The following CHEK1 variants were observed in gnomAD, a reference collection of about 807,000 sequenced individuals.
CHEK1 encodes checkpoint kinase 1, also known as serine/threonine-protein kinase Chk1.
In CHEK1, 32 loss-of-function variants were observed where a neutral mutation model predicts 60.2. That is an observed-to-expected ratio of 0.53 (90% CI 0.40 to 0.71). The LOEUF (loss-of-function observed/expected upper bound fraction) is 0.71, where lower values mean the gene tolerates loss of function less well. CHEK1 is among the 30% of genes least tolerant of loss of function. CHEK1 has a pLI of 0.00. For synonymous variants in CHEK1, 179 were observed against 187.2 expected, an observed-to-expected ratio of 0.96 and a Z score of 0.36; for missense variants, 399 against 564.6, an observed-to-expected ratio of 0.71 and a Z score of 2.97.
At chr11:125,633,032 C>A in intron 5 of CHEK1, 131 bp from the exon 6 acceptor site, 2 of 702,114 alleles carry the variant, frequency 2.8e-6, no homozygotes, top group Non-Finnish European at 4.4e-6. Context: ...GTCTATTTTG[C>A]TTATTTTAAG....
At chr11:125,637,619 C>A in intron 8 of CHEK1, 75 bp downstream of exon 8, 1 of 944,586 alleles carries the variant, frequency 1.1e-6, no homozygotes, top group Non-Finnish European at 1.7e-6. Context: ...TATCACAAGT[C>A]AACAACACAT....
At chr11:125,650,097 A>G (rs1474876434) in intron 11 of CHEK1, among the ~76,000 whole-genome samples, 2 of 150,300 alleles carry the variant, frequency 1.3e-5, no homozygotes, top group African/African-American at 2.4e-5. Context: ...ATGTAAATTA[A>G]TGTTTTTAAT....
At chr11:125,660,712 T>C (rs979747406), downstream of CHEK1, among the ~76,000 whole-genome samples, 4 of 152,078 alleles carry the variant, frequency 2.6e-5, no homozygotes, top group Admixed American at 2.0e-4. Context: ...TTGCTTTCTT[T>C]TGGCTAATAT....
chr11:125,644,475 A>G (rs777118369), intron 10 of CHEK1, 37 bp from the exon 11 acceptor site: 3 of 1,605,290 alleles, frequency 1.9e-6, no homozygotes, highest in Non-Finnish European at 2.5e-6. Flanking sequence ...CTTTAGTCCT[A>G]ATGGATTTAT....
chr11:125,629,487 A>G, intron 5 of CHEK1, 27 bp downstream of exon 5: 1 of 1,405,820 alleles, frequency 7.1e-7, no homozygotes, highest in Non-Finnish European at 9.9e-7. Context: ...ATCACTACCT[A>G]AAATAAAATA....
rs778046191 is a variant in CHEK1, at chr11:125,633,217, G to A, written c.479G>A (p.Arg160His). The stretch of plus-strand genomic sequence containing the variant: ...GCAACAGTATTTCGGTATAATAATC[G>A]TGAGCGTTTGTTGAACAAGATGTGT... ...GLATVFRYNN[R>H]ERLLNKMCGT... Residue 160 changes from arginine (R) to histidine (H), a missense_variant, in exon 6 of 13, where the codon CGT becomes CAT. Transcript: ENST00000438015. 6.0e-5 allele frequency: 96 copies of A among 1,603,452 alleles called. No individual in the cohort carries two copies. Among genetic ancestry groups the A allele is most frequent in the South Asian group, 4.7e-4 (42 of 88,422 alleles).
chr11:125,644,714 T>A, intron 11 of CHEK1, 71 bp downstream of exon 11: 1 of 1,520,370 alleles, frequency 6.6e-7, no homozygotes, highest in Non-Finnish European at 9.0e-7. Context: ...AAGCTATCAT[T>A]AGTATATTTT....
chr11:125,626,242 A>T (rs763955170), intron 1 of CHEK1: 2 of 573,866 alleles, frequency 3.5e-6, no homozygotes, highest in Admixed American at 6.0e-5. Flanking sequence ...AACCCCAAGG[A>T]AGAGTCCCAG....
At chr11:125,677,707 T>C (rs1292105910), downstream of CHEK1, 2 of 1,530,240 alleles carry the variant, frequency 1.3e-6, no homozygotes, top group Admixed American at 3.6e-5. Flanking sequence ...TTCTTTCTTC[T>C]GCACTCCTTC....
At chr11:125,649,078 A>G (rs2136045200) in intron 11 of CHEK1, among the ~76,000 whole-genome samples, 1 of 152,310 alleles carries the variant, frequency 6.6e-6, no homozygotes, top group African/African-American at 2.4e-5. Flanking sequence ...AGTGGGTACT[A>G]CAGGTGTGCA....
At chr11:125,665,613 T>G (rs1942085252) in intron 13 of CHEK1, among the ~76,000 whole-genome samples, 1 of 152,132 alleles carries the variant, frequency 6.6e-6, no homozygotes, top group African/African-American at 2.4e-5. Context: ...GGTCCTGAGC[T>G]TTTCTTTGAT....
chr11:125,660,984 C>A (rs1019259494), downstream of CHEK1, among the ~76,000 whole-genome samples: 1 of 152,106 alleles, frequency 6.6e-6, no homozygotes, highest in Non-Finnish European at 1.5e-5. Context: ...CCATGTTGGT[C>A]AGGCTGGTCT....
Position 125,633,074 on chromosome 11 carries a change from GAT to G in CHEK1, c.425-88_425-87del, listed in dbSNP as rs1940929204. ...TCTACAAACCTTAAGTAACACCAGT[GAT>G]TTTTTTTCAGTAAAACTTAATTCCT... On this transcript the variant is annotated intron_variant, in intron 5 of 12. Coordinates refer to ENST00000438015, the MANE Select transcript of CHEK1 (RefSeq NM_001114122.3). 7 of 1,210,146 alleles carry G rather than the reference GAT, an allele frequency of 5.8e-6. No homozygotes were observed. In the Admixed American group the frequency reaches 1.6e-4, roughly 27 times the overall value. 75.0% of individuals were successfully genotyped at this position (1,210,146 alleles called of 1,614,324 possible). A position where few individuals can be genotyped will look rare whatever the true frequency, so the allele number is the denominator to read the frequency against.
chr11:125,671,013 T>C (rs1942190696), intron 13 of CHEK1, among the ~76,000 whole-genome samples: 1 of 152,048 alleles, frequency 6.6e-6, no homozygotes, highest in African/African-American at 2.4e-5. Context: ...CTCAAGTGAT[T>C]ATCCCACCTC....
At chr11:125,660,942 A>G (rs1942001876), downstream of CHEK1, among the ~76,000 whole-genome samples, 1 of 151,924 alleles carries the variant, frequency 6.6e-6, no homozygotes, top group African/African-American at 2.4e-5. Flanking sequence ...CGCCTGGCTA[A>G]TTTTTGTATT....
At chr11:125,640,944 TG>T (rs1383447593) in intron 8 of CHEK1, among the ~76,000 whole-genome samples, 3 of 152,180 alleles carry the variant, frequency 2.0e-5, no homozygotes, top group African/African-American at 7.2e-5. Flanking sequence ...TTTTAAATTG[TG>T]TGCTGTTCTG....
chr11:125,672,509 GGAA>G, intron 13 of CHEK1: 1 of 1,527,670 alleles, frequency 6.5e-7, no homozygotes, highest in East Asian at 2.3e-5. Flanking sequence ...TGTTGACTGG[GGAA>G]GGAACTAAAT....
At chr11:125,679,332 C>T (rs528639211), downstream of CHEK1, among the ~76,000 whole-genome samples, 23 of 151,236 alleles carry the variant, frequency 1.5e-4, no homozygotes, top group Non-Finnish European at 2.5e-4. Flanking sequence ...ATCCTCCTGC[C>T]TCTGCCTCCC....
At chr11:125,664,254 G>A (rs1362130013) in intron 13 of CHEK1, among the ~76,000 whole-genome samples, 1 of 136,420 alleles carries the variant, frequency 7.3e-6, no homozygotes, top group Non-Finnish European at 1.5e-5. Context: ...TTTTTTTGGA[G>A]ACAGAGTCTC....
Sources: allele counts gnomAD v4.1 joint callset (sites outside exome capture counted in the v4.1 genomes callset), GRCh38; gene constraint gnomAD v4.1.1; transcripts MANE v1.5; gene names NCBI Gene and HGNC (gene_info 2026-07-23, HGNC 2026-07-21).